The following RBFOX3 variants were observed in gnomAD, a reference collection of about 807,000 sequenced individuals.
RBFOX3 encodes the protein RNA binding protein fox-1 homolog 3.
A neutral mutation model predicts 48.7 loss-of-function variants in RBFOX3; 17 were observed. The ratio of observed to expected loss-of-function variants is 0.35; its 90% CI spans 0.24 to 0.52. RBFOX3 has a LOEUF of 0.52. Among genes scored for constraint, RBFOX3 ranks in the 20% least tolerant of loss-of-function variants. The pLI, the probability that RBFOX3 is intolerant of heterozygous loss-of-function variation, is 0.94. For missense variants in RBFOX3, 382 were observed against 497.5 expected, an observed-to-expected ratio of 0.77 and a Z score of 2.21; for synonymous variants, 212 against 209.5, an observed-to-expected ratio of 1.01 and a Z score of -0.10.
intron 3 of RBFOX3, among the ~76,000 whole-genome samples, chr17:79,255,215 A>ATGTG (rs1491568643): frequency 0.053 from 6,780 of 128,706 alleles, 195 homozygotes; most frequent in South Asian, 0.084. Flanking sequence ...CTGTGGTCAC[A>ATGTG]TGTGTGCGTG....
chr17:79,351,713 C>T (rs2083972075), intron 2 of RBFOX3, among the ~76,000 whole-genome samples: 1 of 152,078 alleles, frequency 6.6e-6, no homozygotes, highest in Admixed American at 6.6e-5. Flanking sequence ...GTTGTAGTTC[C>T]TGATGTATCC....
chr17:79,096,072 AGAT>A (rs1176409802), intron 12 of RBFOX3, among the ~76,000 whole-genome samples: 1 of 152,196 alleles, frequency 6.6e-6, no homozygotes, highest in Non-Finnish European at 1.5e-5. Context: ...ACGTGAGCTC[AGAT>A]GATGTCCTGG....
At chr17:79,167,900 C>A (rs1163298385) in intron 4 of RBFOX3, among the ~76,000 whole-genome samples, 1 of 152,218 alleles carries the variant, frequency 6.6e-6, no homozygotes, top group Non-Finnish European at 1.5e-5. Flanking sequence ...CCTCCAAAGG[C>A]TCTATGGATT....
At chr17:79,175,103 C>T (rs1339755741) in intron 4 of RBFOX3, among the ~76,000 whole-genome samples, 1 of 152,226 alleles carries the variant, frequency 6.6e-6, no homozygotes, top group East Asian at 1.9e-4. Flanking sequence ...CACTCTATCT[C>T]CCTTCCCCAC....
At chr17:79,644,107 G>A in the RBFOX3 span, among the ~76,000 whole-genome samples, 1 of 152,140 alleles carries the variant, frequency 6.6e-6, no homozygotes, top group Non-Finnish European at 1.5e-5. Flanking sequence ...ATTTAAATGA[G>A]ATGGACATAT....
At chr17:79,335,441 C>A (rs562825112) in intron 2 of RBFOX3, among the ~76,000 whole-genome samples, 1 of 152,312 alleles carries the variant, frequency 6.6e-6, no homozygotes, top group Admixed American at 6.5e-5. Context: ...CTTTAACACG[C>A]ACAGACACTA....
In RBFOX3 at chr17:79,390,601, C is replaced by T. The variant is rs981568230; in HGVS notation, c.-174-82777G>A. Among the ~76,000 whole-genome samples, 1 of 152,158 alleles carries T rather than the reference C, an allele frequency of 6.6e-6. No homozygotes were observed. Among genetic ancestry groups the T allele is most frequent in the Non-Finnish European group, 1.5e-5 (1 of 68,032 alleles). ...CAAGTGATTCTCCTGCCTCAGCCTC[C>T]CAAGTAGCTGGGATTACAGGCGCCT... On this transcript the variant is annotated intron_variant, in intron 2 of 14. Transcript: ENST00000693108. The surrounding 1 kb of genome is among the most constrained non-coding windows in gnomAD (Gnocchi z 4.2).
At chr17:79,270,530 C>T (rs1020859924) in intron 3 of RBFOX3, among the ~76,000 whole-genome samples, 3 of 152,238 alleles carry the variant, frequency 2.0e-5, no homozygotes, top group Non-Finnish European at 4.4e-5. Flanking sequence ...AATATGGCCA[C>T]CTCTCTTCTT....
At chr17:79,468,477 C>T (rs949250919) in intron 2 of RBFOX3, among the ~76,000 whole-genome samples, 3 of 151,904 alleles carry the variant, frequency 2.0e-5, no homozygotes, top group South Asian at 2.1e-4. Flanking sequence ...AATGGATAGA[C>T]GGGTACACAC....
chr17:79,108,188 GCCAGCCGAAGGTAGGAGGGTCTTGGCT>G (rs1303441398), intron 5 of RBFOX3, among the ~76,000 whole-genome samples: 1 of 152,224 alleles, frequency 6.6e-6, no homozygotes, highest in Non-Finnish European at 1.5e-5. Context: ...GGGACAGGAC[GCCAGCCGAAGGTAGGAGGGTCTTGGCT>G]CCAGCCGTCT....
At chr17:79,304,866 G>A (rs975528677) in intron 3 of RBFOX3, among the ~76,000 whole-genome samples, 2 of 152,184 alleles carry the variant, frequency 1.3e-5, no homozygotes, top group African/African-American at 4.8e-5. Context: ...CACGGGTGCC[G>A]TGTTCTCGAG....
chr17:79,275,923 C>A (rs149410392), intron 3 of RBFOX3, among the ~76,000 whole-genome samples: 9 of 152,202 alleles, frequency 5.9e-5, no homozygotes, highest in Non-Finnish European at 1.0e-4. Context: ...GCTGCACACG[C>A]GTATTCATTG....
intron 4 of RBFOX3, among the ~76,000 whole-genome samples, chr17:79,138,969 G>A (rs575210134): frequency 3.4e-4 from 39 of 113,466 alleles, no homozygotes; most frequent in African/African-American, 1.3e-3. Context: ...CATGCACACA[G>A]CACATGCGTT....
At chr17:79,219,535 G>A (rs930881105) in intron 4 of RBFOX3, among the ~76,000 whole-genome samples, 4 of 152,182 alleles carry the variant, frequency 2.6e-5, no homozygotes, top group South Asian at 2.1e-4. Context: ...GCTTGGCCTC[G>A]CCTGGTACTG....
At chr17:79,175,808 G>A (rs1240649653) in intron 4 of RBFOX3, among the ~76,000 whole-genome samples, 1 of 152,272 alleles carries the variant, frequency 6.6e-6, no homozygotes, top group Non-Finnish European at 1.5e-5. Context: ...GCGGGGCGCA[G>A]TAGCCTCTGC....
chr17:79,193,963 G>A (rs545092722), intron 4 of RBFOX3, among the ~76,000 whole-genome samples: 1 of 152,302 alleles, frequency 6.6e-6, no homozygotes, highest in East Asian at 1.9e-4. Context: ...AGCATGAAGG[G>A]AGGAAGGCCA....
chr17:79,501,475 A>T (rs1303510818), intron 1 of RBFOX3, among the ~76,000 whole-genome samples: 1 of 152,132 alleles, frequency 6.6e-6, no homozygotes, highest in Non-Finnish European at 1.5e-5. Context: ...TTGGTGGGGG[A>T]GGCCACTTTT....
intron 2 of RBFOX3, among the ~76,000 whole-genome samples, chr17:79,414,658 G>A (rs964571708): frequency 1.3e-5 from 2 of 152,244 alleles, no homozygotes; most frequent in African/African-American, 2.4e-5. Context: ...AGGTCTGGGA[G>A]GTCCGGCCTG....
At chr17:79,105,308 T>C (rs1473328762) in intron 6 of RBFOX3, among the ~76,000 whole-genome samples, 2 of 151,920 alleles carry the variant, frequency 1.3e-5, no homozygotes, top group Admixed American at 6.5e-5. Context: ...AGGGAGTTGA[T>C]GGCGGATGGT....
Sources: gnomAD v4.1 joint callset for allele counts (sites outside exome capture counted in the v4.1 genomes callset) on GRCh38, gnomAD v4.1.1 for gene constraint, Gnocchi (gnomAD v3.1) non-coding constraint, MANE v1.5 for transcripts, NCBI Gene and HGNC (gene_info 2026-07-23, HGNC 2026-07-21) for gene names.